LRRC8C: variants seen among roughly 807,000 people sequenced by gnomAD.
The protein encoded by LRRC8C is leucine rich repeat containing 8 VRAC subunit C, also known as volume-regulated anion channel subunit LRRC8C.
A neutral mutation model predicts 55.3 loss-of-function variants in LRRC8C; 20 were observed. That is an observed-to-expected ratio of 0.36 (90% CI 0.25 to 0.53). LRRC8C has a LOEUF of 0.53. LRRC8C is among the 20% of genes least tolerant of loss of function. The pLI is 0.92. For synonymous variants in LRRC8C, 376 were observed against 360.7 expected (o/e 1.04, Z -0.48); for missense variants, 659 against 951.4 (o/e 0.69, Z 4.04).
At position 89,715,728 on chromosome 1, in the gene LRRC8C, C is replaced by T. The variant is rs944084044; in HGVS notation, c.*746C>T. 3.9e-5 allele frequency: 6 copies of T among 152,180 alleles called. No individual in the cohort carries two copies. The highest frequency in any genetic ancestry group is 1.2e-4 in the African/African-American group (5 of 41,438). 9.4% of individuals were successfully genotyped at this position (152,180 alleles called of 1,614,324 possible). A position where few individuals can be genotyped will look rare whatever the true frequency, so the allele number is the denominator to read the frequency against. On this transcript the variant is annotated 3_prime_UTR_variant, in exon 3 of 3. Coordinates refer to ENST00000370454, the MANE Select transcript of LRRC8C (RefSeq NM_032270.5). ...TTAATCTCAATACTGCTATGTAGTA[C>T]TGGTGAACAACTTTGGAGAACCTAG...
At chr1:89,673,155 CCT>C (rs1657468260) in intron 1 of LRRC8C, among the ~76,000 whole-genome samples, 1 of 152,092 alleles carries the variant, frequency 6.6e-6, no homozygotes, top group African/African-American at 2.4e-5. Context: ...ATTCCTATGA[CCT>C]TTCTATGCTA....
chr1:89,619,390 T>A, the LRRC8C span, among the ~76,000 whole-genome samples: 4,363 of 150,896 alleles, frequency 0.029, 209 homozygotes, highest in African/African-American at 0.099. Context: ...TAGTTTTATA[T>A]TTATATAAAA....
chr1:89,684,123 T>A (rs1161664588), intron 1 of LRRC8C, among the ~76,000 whole-genome samples: 3 of 152,164 alleles, frequency 2.0e-5, no homozygotes, highest in East Asian at 3.8e-4. Context: ...TCTAGTATGG[T>A]AAATATGTAT....
chr1:89,710,607 C>A (rs1298461399), intron 2 of LRRC8C, among the ~76,000 whole-genome samples: 1 of 152,210 alleles, frequency 6.6e-6, no homozygotes, highest in Non-Finnish European at 1.5e-5. Context: ...AATGCAATCA[C>A]ATTTGTTGTT....
At chr1:89,649,929 C>T (rs1293793574) in intron 1 of LRRC8C, among the ~76,000 whole-genome samples, 2 of 152,188 alleles carry the variant, frequency 1.3e-5, no homozygotes, top group African/African-American at 4.8e-5. Flanking sequence ...CTTCAAAACA[C>T]AGGACAAACT....
chr1:89,698,443 T>C (rs1469928532), intron 2 of LRRC8C, among the ~76,000 whole-genome samples: 1 of 152,182 alleles, frequency 6.6e-6, no homozygotes, highest in Non-Finnish European at 1.5e-5. Context: ...GTCCTTATAC[T>C]GTTATTTGTT....
intron 1 of LRRC8C, among the ~76,000 whole-genome samples, chr1:89,681,621 AGT>A (rs1657712070): frequency 6.6e-6 from 1 of 152,132 alleles, no homozygotes; most frequent in Non-Finnish European, 1.5e-5. Context: ...CAGGCAAGAG[AGT>A]GTGTGCAGGA....
chr1:89,625,795 T>G, the LRRC8C span, among the ~76,000 whole-genome samples: 3 of 152,194 alleles, frequency 2.0e-5, no homozygotes, highest in Non-Finnish European at 2.9e-5. Flanking sequence ...AAACAATTGC[T>G]TAGGCTTAAA....
In LRRC8C at chr1:89,675,797, G is replaced by A. The variant is rs546076669; in HGVS notation, c.-4-10673G>A. On this transcript the variant is annotated intron_variant, in intron 1 of 2. Coordinates refer to ENST00000370454, the MANE Select transcript of LRRC8C (RefSeq NM_032270.5). Reference sequence around the variant, plus strand: ...GCTACCTCATGGAAGAGTGTTTCTAGTTTAAAGGAGACAGAAAAGAAAAAA... The same window carrying A: ...GCTACCTCATGGAAGAGTGTTTCTAATTTAAAGGAGACAGAAAAGAAAAAA... Among the ~76,000 whole-genome samples, 8 of 152,248 alleles carry A rather than the reference G, an allele frequency of 5.3e-5. No individual in the cohort carries two copies. The South Asian group carries it at 1.7e-3, about 32-fold the overall frequency.
intron 1 of LRRC8C, among the ~76,000 whole-genome samples, chr1:89,665,498 A>C (rs1240079360): frequency 1.3e-5 from 2 of 152,218 alleles, no homozygotes; most frequent in Admixed American, 1.3e-4. Context: ...TTAGTTAAAA[A>C]ATTTAAAAAG....
chr1:89,686,116 A>G (rs1031668138), intron 1 of LRRC8C, among the ~76,000 whole-genome samples: 11 of 152,184 alleles, frequency 7.2e-5, no homozygotes, highest in Middle Eastern at 3.4e-3. Context: ...AAAACATTTC[A>G]AAGGATGAGC....
At chr1:89,688,412 A>G (rs551358973) in intron 2 of LRRC8C, among the ~76,000 whole-genome samples, 1 of 152,016 alleles carries the variant, frequency 6.6e-6, no homozygotes, top group Non-Finnish European at 1.5e-5. Context: ...ATTAGTAAAT[A>G]TGTTAGAAGA....
intron 2 of LRRC8C, among the ~76,000 whole-genome samples, chr1:89,705,302 T>C (rs997750975): frequency 3.4e-5 from 5 of 145,910 alleles, no homozygotes; most frequent in African/African-American, 7.6e-5. Flanking sequence ...AGGGATAGCA[T>C]TGAGAGATAT....
At chr1:89,634,948 A>G (rs1178151874) in intron 1 of LRRC8C, among the ~76,000 whole-genome samples, 3 of 152,244 alleles carry the variant, frequency 2.0e-5, no homozygotes, top group Non-Finnish European at 4.4e-5. Context: ...GGGCACAGAC[A>G]GGACCCATCA....
intron 1 of LRRC8C, among the ~76,000 whole-genome samples, chr1:89,685,101 C>CTTTTTTT (rs11316114): frequency 7.4e-4 from 56 of 76,178 alleles, no homozygotes; most frequent in East Asian, 1.9e-3. Flanking sequence ...CTATCTAGTT[C>CTTTTTTT]TTTTTTTTTT....
At chr1:89,712,375 A>C (rs1658672326) in intron 2 of LRRC8C, among the ~76,000 whole-genome samples, 1 of 152,206 alleles carries the variant, frequency 6.6e-6, no homozygotes, top group Non-Finnish European at 1.5e-5. Context: ...GGCCTCCCAA[A>C]GTGCTTGGAT....
At chr1:89,625,610 G>A in the LRRC8C span, among the ~76,000 whole-genome samples, 4 of 152,262 alleles carry the variant, frequency 2.6e-5, no homozygotes, top group East Asian at 1.9e-4. Context: ...GAGCATGTGC[G>A]CATGGCTACG....
chr1:89,689,567 G>T (rs1266121806), intron 2 of LRRC8C, among the ~76,000 whole-genome samples: 4 of 152,110 alleles, frequency 2.6e-5, no homozygotes, highest in Non-Finnish European at 4.4e-5. Flanking sequence ...TTTGAGTAGG[G>T]TGAAAGCAGT....
chr1:89,619,147 G>A, the LRRC8C span, among the ~76,000 whole-genome samples: 1 of 152,086 alleles, frequency 6.6e-6, no homozygotes, highest in Non-Finnish European at 1.5e-5. Flanking sequence ...AACAATGAAA[G>A]TCTTTTTTCA....
Sources: gnomAD v4.1 joint callset for allele counts (sites outside exome capture counted in the v4.1 genomes callset) on GRCh38, gnomAD v4.1.1 for gene constraint, MANE v1.5 for transcripts, NCBI Gene and HGNC (gene_info 2026-07-23, HGNC 2026-07-21) for gene names.